UPF2: variants seen among roughly 807,000 people sequenced by gnomAD.
The protein encoded by UPF2 is regulator of nonsense transcripts 2.
Under a neutral mutation model 141.4 loss-of-function variants are expected in UPF2, and 17 were observed. The observed-to-expected ratio is 0.12, with a 90% CI of 0.08 to 0.18. UPF2 has a LOEUF of 0.18. UPF2 is among the 10% of genes least tolerant of loss of function. The pLI is 1.00. For synonymous variants in UPF2, 540 were observed against 498.0 expected (o/e 1.08, Z -1.12); for missense variants, 1,152 against 1,515.9 (o/e 0.76, Z 3.99).
intron 10 of UPF2, among the ~76,000 whole-genome samples, chr10:11,965,539 G>A (rs577988099): frequency 9.9e-5 from 15 of 152,090 alleles, no homozygotes; most frequent in South Asian, 8.3e-4. Flanking sequence ...GGCTCACTGC[G>A]AGCTCCACCT....
chr10:12,011,195 G>A (rs954945087), intron 4 of UPF2, among the ~76,000 whole-genome samples: 12 of 152,160 alleles, frequency 7.9e-5, no homozygotes, highest in Admixed American at 5.9e-4. Context: ...GTCTCGCTAT[G>A]TTACCCAGGC....
intron 8 of UPF2, among the ~76,000 whole-genome samples, chr10:11,986,007 C>G (rs1272486131): frequency 6.6e-6 from 1 of 150,852 alleles, no homozygotes; most frequent in Non-Finnish European, 1.5e-5. Context: ...GCCTCAGCCT[C>G]CCGAGTAGCT....
chr10:11,989,499 T>C (rs1023944168), intron 8 of UPF2, among the ~76,000 whole-genome samples: 10 of 152,168 alleles, frequency 6.6e-5, no homozygotes, highest in African/African-American at 2.4e-4. Context: ...GTCAAAGCTA[T>C]GTATAAATTA....
rs896817478 is a variant in UPF2, at chr10:12,040,186, C to T, written c.-19+2569G>A. 9.9e-5 allele frequency among the ~76,000 whole-genome samples: 15 copies of T among 151,970 alleles called. 1 individual carries two copies. Among genetic ancestry groups the T allele is most frequent in the Admixed American group, 8.5e-4 (13 of 15,246 alleles). On this transcript the variant is annotated intron_variant, in intron 1 of 21. Coordinates refer to ENST00000357604, the MANE Select transcript of UPF2 (RefSeq NM_015542.4). Reference sequence around the variant, plus strand: ...CTGTAATCCCAGCACTTTGGGAGGCCGAGGCAGGTAGATCACGAGGTCAAG... The same window carrying T: ...CTGTAATCCCAGCACTTTGGGAGGCTGAGGCAGGTAGATCACGAGGTCAAG...
chr10:12,029,032 T>A lies in UPF2; in HGVS notation c.858A>T (p.Leu286Phe). ...TAATATTTTTTAGCTGTTCATAGAT[T>A]AAGGAAAGACCTTCCTTGTCAGTGA... ...GIFTDKEGLSLIYEQLKNIIN... is the reference protein window; with the variant it reads ...GIFTDKEGLSFIYEQLKNIIN... Residue 286 changes from leucine to phenylalanine, a missense_variant, in exon 3 of 22, where the codon TTA becomes TTT. This residue lies in a region of UPF2 where 739 missense variants were observed against 1,032.2 expected (regional missense o/e 0.72). Coordinates refer to ENST00000357604, the MANE Select transcript of UPF2 (RefSeq NM_015542.4). 6.2e-7 allele frequency: 1 copy of A among 1,614,228 alleles called. No individual in the cohort carries two copies. Among genetic ancestry groups the A allele is most frequent in the Admixed American group, 1.7e-5 (1 of 60,024 alleles).
intron 18 of UPF2, among the ~76,000 whole-genome samples, chr10:11,941,143 A>G (rs1178647699): frequency 6.6e-6 from 1 of 152,228 alleles, no homozygotes; most frequent in East Asian, 1.9e-4. Flanking sequence ...AGTTGTATTT[A>G]TCACTTTATA....
At chr10:11,943,800 C>T (rs1302345815) in intron 16 of UPF2, among the ~76,000 whole-genome samples, 1 of 152,036 alleles carries the variant, frequency 6.6e-6, no homozygotes, top group Non-Finnish European at 1.5e-5. Context: ...TGGTGGTTTT[C>T]AAGGACTACT....
intron 18 of UPF2, among the ~76,000 whole-genome samples, chr10:11,938,859 T>TTTTTTTTTG (rs1832892906): frequency 8.5e-5 from 6 of 70,826 alleles, no homozygotes; most frequent in Admixed American, 3.9e-4. Flanking sequence ...TTTTGTTTTT[T>TTTTTTTTTG]TTTTTTTTTT....
At chr10:11,989,392 G>A (rs1225233825) in intron 8 of UPF2, among the ~76,000 whole-genome samples, 2 of 152,214 alleles carry the variant, frequency 1.3e-5, no homozygotes, top group East Asian at 1.9e-4. Flanking sequence ...ACAGAAGCAG[G>A]AGGATTGCTT....
chr10:11,984,392 T>C lies in UPF2; in HGVS notation c.1845-5227A>G, dbSNP rs368240543. ...TCTGCTCATTTCTTAAACTTTTTAA[T>C]GTTCTTTTTCTTTAAAATATATTTT... On this transcript the variant is annotated intron_variant, in intron 8 of 21. Coordinates refer to ENST00000357604, the MANE Select transcript of UPF2 (RefSeq NM_015542.4). Among the ~76,000 whole-genome samples, 70 of 152,340 alleles carry C rather than the reference T, an allele frequency of 4.6e-4. 1 individual carries two copies. In the South Asian group the frequency reaches 0.014, roughly 31 times the overall value.
chr10:11,993,603 C>A (rs11814459), intron 8 of UPF2, among the ~76,000 whole-genome samples: 8,415 of 151,036 alleles, frequency 0.056, 286 homozygotes, highest in Non-Finnish European at 0.08. Context: ...CAAAACAAAA[C>A]AAAAAGCCCC....
At chr10:12,035,752 T>A in intron 1 of UPF2, 1 of 201,770 alleles carries the variant, frequency 5.0e-6, no homozygotes. Context: ...TCAGCCACTA[T>A]CAACTCCAAA....
At position 11,948,553 on chromosome 10, in the gene UPF2, C is replaced by T. The variant is rs753815620; in HGVS notation, c.3035-45G>A. 8.8e-6 allele frequency: 14 copies of T among 1,598,858 alleles called. No individual in the cohort carries two copies. In the South Asian group the frequency reaches 1.2e-4, roughly 14 times the overall value. ...AATGGAAAAATACATTAAAAATAGA[C>T]ACAGGCTAGTTTTCTACACTATACC... On this transcript the variant is annotated intron_variant, in intron 15 of 21. Transcript: ENST00000357604.
Position 12,019,063 on chromosome 10 carries a change from T to C in UPF2, c.1146-4879A>G, listed in dbSNP as rs1316406074. Among the ~76,000 whole-genome samples, 1 of 152,196 alleles carries C rather than the reference T, an allele frequency of 6.6e-6. No homozygotes were observed. The highest frequency in any genetic ancestry group is 1.5e-5 in the Non-Finnish European group (1 of 68,044). ...ACCAAAATCAAGCTGAAAATATGAT[T>C]TCATCACATATTTTAATTATTGCCT... is the stretch of plus-strand genomic sequence containing the variant. On this transcript the variant is annotated intron_variant, in intron 3 of 21. Transcript: ENST00000357604. This position sits in a 1 kb window ranked among gnomAD's most constrained non-coding sequence, Gnocchi z 4.5.
At chr10:11,982,502 C>T (rs1363161594) in intron 8 of UPF2, among the ~76,000 whole-genome samples, 1 of 152,202 alleles carries the variant, frequency 6.6e-6, no homozygotes, top group Non-Finnish European at 1.5e-5. Flanking sequence ...AATATGCTTT[C>T]CCTAAACATC....
At chr10:11,962,524 C>T (rs2131198748) in intron 11 of UPF2, among the ~76,000 whole-genome samples, 1 of 152,268 alleles carries the variant, frequency 6.6e-6, no homozygotes, top group Admixed American at 6.5e-5. Flanking sequence ...ATTCTCCAGC[C>T]TCTCCCCAAC....
intron 4 of UPF2, among the ~76,000 whole-genome samples, chr10:12,007,518 T>C (rs991382928): frequency 6.6e-6 from 1 of 152,122 alleles, no homozygotes; most frequent in Admixed American, 6.6e-5. Context: ...GAGTGATAGT[T>C]GCAATGCATA....
intron 3 of UPF2, among the ~76,000 whole-genome samples, chr10:12,015,013 A>C (rs534952155): frequency 1.6e-4 from 25 of 152,318 alleles, no homozygotes; most frequent in African/African-American, 5.5e-4. Flanking sequence ...AAAACACCAA[A>C]ATGTATAGAG....
At chr10:12,034,730 A>C (rs1834591716) in intron 2 of UPF2, among the ~76,000 whole-genome samples, 1 of 152,086 alleles carries the variant, frequency 6.6e-6, no homozygotes, top group Non-Finnish European at 1.5e-5. Context: ...ACTTGAACCC[A>C]GGAGGCGGAG....
Sources: gnomAD v4.1 joint callset for allele counts (sites outside exome capture counted in the v4.1 genomes callset) on GRCh38, gnomAD v4.1.1 for gene constraint, gnomAD v4.1.1 regional missense constraint, Gnocchi (gnomAD v3.1) non-coding constraint, MANE v1.5 for transcripts, NCBI Gene and HGNC (gene_info 2026-07-23, HGNC 2026-07-21) for gene names.